MIB1: variants seen among roughly 807,000 people sequenced by gnomAD.
MIB1 encodes the protein MIB E3 ubiquitin protein ligase 1, also known as E3 ubiquitin-protein ligase MIB1.
In MIB1, 278 loss-of-function variants were observed where a neutral mutation model predicts 124.5. The observed-to-expected ratio is 2.23, with a 90% confidence interval of 2.02 to 2.47. The LOEUF is 2.47. MIB1 is among the 30% of genes most tolerant of loss of function. MIB1 has a pLI of 0.00. For synonymous variants in MIB1, 446 were observed against 429.4 expected (o/e 1.04, Z -0.48); for missense variants, 957 against 1,254.4 (o/e 0.76, Z 3.58).
At chr18:21,748,031 TTAGA>T in intron 1 of MIB1, among the ~76,000 whole-genome samples, 1 of 152,316 alleles carries the variant, frequency 6.6e-6, no homozygotes, top group South Asian at 2.1e-4. Context: ...GGATCAGAGA[TTAGA>T]TAGATATTAT....
chr18:21,850,078 A>G (rs1354596512), intron 17 of MIB1, among the ~76,000 whole-genome samples: 2 of 152,104 alleles, frequency 1.3e-5, no homozygotes, highest in Non-Finnish European at 2.9e-5. Context: ...CAAAATCTAT[A>G]TCTACTCTGA....
chr18:21,751,250 G>T (rs1388895568), intron 1 of MIB1, among the ~76,000 whole-genome samples: 1 of 151,928 alleles, frequency 6.6e-6, no homozygotes, highest in East Asian at 1.9e-4. Flanking sequence ...TCATAAAATT[G>T]CATTAAACGT....
intron 1 of MIB1, among the ~76,000 whole-genome samples, chr18:21,759,341 C>G (rs2041071444): frequency 6.6e-6 from 1 of 152,060 alleles, no homozygotes; most frequent in South Asian, 2.1e-4. Flanking sequence ...CTCCTGGGTT[C>G]AAGCGATTCT....
intron 10 of MIB1, among the ~76,000 whole-genome samples, chr18:21,805,020 A>C (rs1195603616): frequency 2.6e-5 from 4 of 151,994 alleles, no homozygotes; most frequent in Non-Finnish European, 5.9e-5. Flanking sequence ...TTAATTAATT[A>C]ATTAATTTTT....
chr18:21,775,331 C>T (rs1218003345), intron 4 of MIB1, among the ~76,000 whole-genome samples: 1 of 152,118 alleles, frequency 6.6e-6, no homozygotes, highest in Non-Finnish European at 1.5e-5. Context: ...TCCTGAACTC[C>T]TGGGCTCAAA....
chr18:21,778,010 G>A, intron 4 of MIB1, 93 bp from the exon 5 acceptor site: 1 of 828,936 alleles, frequency 1.2e-6, no homozygotes, highest in Non-Finnish European at 2.1e-6. Context: ...TTTCTGTTTT[G>A]GGTATGTTCT....
At chr18:21,709,982 G>A (rs781401099) in intron 1 of MIB1, among the ~76,000 whole-genome samples, 2 of 152,214 alleles carry the variant, frequency 1.3e-5, no homozygotes, top group Non-Finnish European at 2.9e-5. Flanking sequence ...TCCAAAACCT[G>A]TTTTGGGAAT....
chr18:21,739,883 C>T (rs986963949), upstream of MIB1, among the ~76,000 whole-genome samples: 3 of 151,810 alleles, frequency 2.0e-5, no homozygotes, highest in Admixed American at 1.3e-4. Context: ...CCACTGCACT[C>T]CGGCCTGGCT....
chr18:21,841,250 C>T (rs2042086680), intron 13 of MIB1, among the ~76,000 whole-genome samples: 2 of 152,268 alleles, frequency 1.3e-5, no homozygotes, highest in South Asian at 4.2e-4. Context: ...CCTGTAGTCC[C>T]CAGCTACTCA....
chr18:21,840,650 TATATATATATA>T (rs2042076814), intron 13 of MIB1, among the ~76,000 whole-genome samples: 3 of 3,714 alleles, frequency 8.1e-4, no homozygotes, highest in African/African-American at 1.5e-3. Context: ...TATATATATA[TATATATATATA>T]TATATTTTTT....
intron 6 of MIB1, among the ~76,000 whole-genome samples, chr18:21,781,808 A>G (rs1055301214): frequency 2.0e-5 from 3 of 152,086 alleles, no homozygotes; most frequent in Non-Finnish European, 4.4e-5. Context: ...TGGTATATAG[A>G]TGTTCATGAT....
chr18:21,809,782 C>A (rs2041750125), intron 10 of MIB1, among the ~76,000 whole-genome samples: 1 of 151,860 alleles, frequency 6.6e-6, no homozygotes, highest in Non-Finnish European at 1.5e-5. Context: ...TATGAAAAAC[C>A]CACAGTGAAC....
chr18:21,790,937 T>C (rs1465112890), intron 6 of MIB1, among the ~76,000 whole-genome samples: 2 of 151,786 alleles, frequency 1.3e-5, no homozygotes, highest in African/African-American at 4.8e-5. Context: ...GGGGCGGTGG[T>C]TCACACCTGT....
In MIB1 at chr18:21,857,106, AGTGTCTGT is replaced by A. The variant is rs2042235818; in HGVS notation, c.2666-21_2666-14del. ...CCTATTAATGTTCTCTCTTGTAAGAAGTGTCTGTGTTACCGTTTTCCAGACTGTGCTAA... is the reference window on the plus strand; with the variant it reads ...CCTATTAATGTTCTCTCTTGTAAGAAGTTACCGTTTTCCAGACTGTGCTAA... On this transcript the variant is annotated splice_polypyrimidine_tract_variant and intron_variant, in intron 18 of 20. Transcript: ENST00000261537. 1 of 1,492,736 alleles carries A rather than the reference AGTGTCTGT, an allele frequency of 6.7e-7. No individual in the cohort carries two copies. Among genetic ancestry groups the A allele is most frequent in the Non-Finnish European group, 9.3e-7 (1 of 1,069,668 alleles). The allele number at this position is 1,492,736 out of a possible 1,614,324, so 92.5% of individuals were successfully genotyped here. A position where few individuals can be genotyped will look rare whatever the true frequency, so the allele number is the denominator to read the frequency against.
At chr18:21,827,127 T>C (rs530159083) in intron 12 of MIB1, 8 of 152,222 alleles carry the variant, frequency 5.3e-5, no homozygotes, top group African/African-American at 7.2e-5. Context: ...TTTGATAATG[T>C]CAGCATCTGT....
At chr18:21,707,436 A>G (rs961423064) in intron 1 of MIB1, among the ~76,000 whole-genome samples, 6 of 152,190 alleles carry the variant, frequency 3.9e-5, no homozygotes, top group African/African-American at 1.4e-4. Context: ...CAGCAGAGGC[A>G]ACCTACTGGG....
chr18:21,714,362 T>C (rs2146354364), intron 1 of MIB1, among the ~76,000 whole-genome samples: 1 of 151,820 alleles, frequency 6.6e-6, no homozygotes, highest in East Asian at 1.9e-4. Context: ...ATGCTGGGAG[T>C]AGGGAGGATA....
rs1212648283 is a variant in MIB1 at position 21,773,659 on chromosome 18, A to G, written c.567A>G (p.Pro189=). 1.2e-6 allele frequency: 2 copies of G among 1,609,948 alleles called. No individual in the cohort carries two copies. Among genetic ancestry groups the G allele is most frequent in the Non-Finnish European group, 8.5e-7 (1 of 1,178,468 alleles). Residue 189 remains proline, a synonymous_variant, in exon 4 of 21, where the codon CCA becomes CCG. Transcript: ENST00000261537. ...TCCAGGACTGGAGTGCATCAAGCCCACATAGCGCAGCATATGTCCTCTGGG... is the reference window on the plus strand; with the variant it reads ...TCCAGGACTGGAGTGCATCAAGCCCGCATAGCGCAGCATATGTCCTCTGGG... ...TEIQDWSASS[P]HSAAYVLWDN...
intron 3 of MIB1, among the ~76,000 whole-genome samples, chr18:21,772,683 A>G (rs773316805): frequency 6.6e-6 from 1 of 152,206 alleles, no homozygotes; most frequent in African/African-American, 2.4e-5. Flanking sequence ...CAGTATATAT[A>G]TATATTTTTT....
Sources: gnomAD v4.1 joint callset for allele counts (sites outside exome capture counted in the v4.1 genomes callset) on GRCh38, gnomAD v4.1.1 for gene constraint, MANE v1.5 for transcripts, NCBI Gene and HGNC (gene_info 2026-07-23, HGNC 2026-07-21) for gene names.